AQR: variants seen among roughly 807,000 people sequenced by gnomAD.
AQR encodes aquarius intron-binding spliceosomal factor.
Under a neutral mutation model 180.5 loss-of-function variants are expected in AQR, and 61 were observed. That is an observed-to-expected ratio of 0.34 (90% CI 0.28 to 0.42). The LOEUF is 0.42. Among genes scored for constraint, AQR ranks in the 10% least tolerant of loss-of-function variants. The pLI is 1.00. For synonymous variants in AQR, 551 were observed against 588.8 expected (o/e 0.94, Z 0.93); for missense variants, 1,281 against 1,798.3 (o/e 0.71, Z 5.20).
intron 24 of AQR, among the ~76,000 whole-genome samples, chr15:34,888,135 T>TA (rs1396363276): frequency 1.3e-5 from 2 of 151,468 alleles, no homozygotes; most frequent in African/African-American, 4.9e-5. Context: ...CCGTCTCTAC[T>TA]AAAAATACAA....
intron 24 of AQR, among the ~76,000 whole-genome samples, chr15:34,888,909 A>G (rs1483148706): frequency 6.6e-6 from 1 of 152,208 alleles, no homozygotes; most frequent in African/African-American, 2.4e-5. Flanking sequence ...GAGAAAAAGA[A>G]TATGTCCAAT....
chr15:34,920,707 T>A (rs1026960137), intron 13 of AQR, among the ~76,000 whole-genome samples: 2 of 152,080 alleles, frequency 1.3e-5, no homozygotes, highest in African/African-American at 4.8e-5. Flanking sequence ...GCCTGTAATC[T>A]CAGCACTTTG....
At chr15:34,925,877 A>T (rs965387489) in intron 13 of AQR, among the ~76,000 whole-genome samples, 1 of 152,074 alleles carries the variant, frequency 6.6e-6, no homozygotes, top group African/African-American at 2.4e-5. Context: ...ATTAACTTTT[A>T]AAAAAATAAG....
chr15:34,965,428 T>A (rs2050305093), intron 1 of AQR, among the ~76,000 whole-genome samples: 1 of 152,120 alleles, frequency 6.6e-6, no homozygotes, highest in Non-Finnish European at 1.5e-5. Context: ...CTCAGAACTT[T>A]GGGAGGCCGA....
intron 26 of AQR, among the ~76,000 whole-genome samples, chr15:34,883,942 T>C (rs189612052): frequency 6.6e-6 from 1 of 152,292 alleles, no homozygotes; most frequent in East Asian, 1.9e-4. Context: ...TCAAGAGGCA[T>C]ACAGGACTTA....
chr15:34,903,220 G>A (rs1233188655), intron 19 of AQR, among the ~76,000 whole-genome samples: 4 of 152,104 alleles, frequency 2.6e-5, no homozygotes, highest in African/African-American at 9.7e-5. Flanking sequence ...GACATGGAGT[G>A]AATAGGAAAA....
chr15:34,962,846 A>C (rs1015267568), intron 2 of AQR, among the ~76,000 whole-genome samples: 2 of 152,224 alleles, frequency 1.3e-5, no homozygotes, highest in Middle Eastern at 3.2e-3. Context: ...AAATAAAGTA[A>C]GAAATTTTGG....
rs879462133 is a variant in AQR, at chr15:34,854,839, A to G, written c.*1953T>C. On this transcript the variant is annotated 3_prime_UTR_variant, in exon 35 of 35. Transcript: ENST00000156471. ...CAGCCAGCTTATTTTGGTTGCAGGT[A>G]TCATACCTCATATCCCCTAAGGGAG... 6.6e-6 allele frequency: 1 copy of G among 152,240 alleles called. No individual in the cohort carries two copies. The highest frequency in any genetic ancestry group is 1.5e-5 in the Non-Finnish European group (1 of 68,038). The allele number at this position is 152,240 out of a possible 1,614,324, so 9.4% of individuals were successfully genotyped here. A position where few individuals can be genotyped will look rare whatever the true frequency, so the allele number is the denominator to read the frequency against.
At chr15:34,857,443 T>C (rs1892603007) in intron 34 of AQR, among the ~76,000 whole-genome samples, 1 of 152,168 alleles carries the variant, frequency 6.6e-6, no homozygotes. Flanking sequence ...CAAGAAAGGG[T>C]CAACTTTAAT....
intron 32 of AQR, among the ~76,000 whole-genome samples, chr15:34,863,948 A>G (rs1183790029): frequency 6.8e-6 from 1 of 147,354 alleles, no homozygotes; most frequent in Non-Finnish European, 1.5e-5. Context: ...GTACTCTGCA[A>G]AAGAGAAGAC....
At chr15:34,955,894 GCGAAACTCCATCT>G (rs1894306633) in intron 3 of AQR, among the ~76,000 whole-genome samples, 1 of 145,240 alleles carries the variant, frequency 6.9e-6, no homozygotes, top group Non-Finnish European at 1.5e-5. Flanking sequence ...GGTGACAACA[GCGAAACTCCATCT>G]CAAAAAAAAA....
At chr15:34,909,268 T>A (rs4569214) in intron 17 of AQR, among the ~76,000 whole-genome samples, 113,661 of 151,570 alleles carry the variant, frequency 0.75, 43,595 homozygotes, top group Middle Eastern at 0.87. Flanking sequence ...AAAACAGGGC[T>A]TTAAGTAAGA....
rs1448848302 is a variant in AQR at position 34,854,300 on chromosome 15, G to C, written c.*2492C>G. 1 of 152,132 alleles carries C rather than the reference G, an allele frequency of 6.6e-6. No homozygotes were observed. Among genetic ancestry groups the C allele is most frequent in the African/African-American group, 2.4e-5 (1 of 41,446 alleles). 9.4% of individuals were successfully genotyped at this position (152,132 alleles called of 1,614,324 possible). On this transcript the variant is annotated 3_prime_UTR_variant, in exon 35 of 35. Transcript: ENST00000156471. ...ACATTTAGATATGAAAAATAGGATGGAGAGCAATGGGAACACTAATCTGAA... is the reference window on the plus strand; with the variant it reads ...ACATTTAGATATGAAAAATAGGATGCAGAGCAATGGGAACACTAATCTGAA...
chr15:34,915,550 A>G (rs1893569448), intron 15 of AQR, among the ~76,000 whole-genome samples: 2 of 152,252 alleles, frequency 1.3e-5, no homozygotes, highest in East Asian at 3.9e-4. Context: ...CCTCAAAACT[A>G]TAAGAATCTA....
chr15:34,923,235 T>C (rs527250979), intron 13 of AQR, among the ~76,000 whole-genome samples: 1 of 152,268 alleles, frequency 6.6e-6, no homozygotes, highest in African/African-American at 2.4e-5. Context: ...ACAGTATATA[T>C]AGGGTTCAGT....
At chr15:34,912,310 T>C (rs1893512954) in intron 16 of AQR, among the ~76,000 whole-genome samples, 1 of 151,976 alleles carries the variant, frequency 6.6e-6, no homozygotes, top group South Asian at 2.1e-4. Flanking sequence ...GAACTTCCCT[T>C]AGCATTTATT....
At chr15:34,907,969 A>G (rs1893444160) in intron 17 of AQR, among the ~76,000 whole-genome samples, 1 of 152,072 alleles carries the variant, frequency 6.6e-6, no homozygotes, top group South Asian at 2.1e-4. Context: ...CCTTGCAACC[A>G]TTTGTATCCA....
chr15:34,874,677 C>T lies in AQR; in HGVS notation c.3425G>A (p.Ser1142Asn). Residue 1142 changes from serine (S) to asparagine (N), a missense_variant and splice_region_variant, in exon 29 of 35, where the codon AGC (serine) becomes AAC (asparagine). Coordinates refer to ENST00000156471, the MANE Select transcript of AQR (RefSeq NM_014691.3). ...TGATTTTTTTTCCTGTCTCTTTTAC[C>T]TTGCTCTGGCTCTCCCTTGAGCATC... is the stretch of plus-strand genomic sequence containing the variant. ...DLDAQGRARA[S>N]LCNLYNWRYK... is the part of the protein sequence containing the mutation. The T allele has an allele frequency of 6.2e-7, 1 of 1,612,194 alleles. No individual in the cohort carries two copies.
intron 27 of AQR, 41 bp from the exon 28 acceptor site, chr15:34,876,047 T>G (rs1368678130): frequency 7.0e-7 from 1 of 1,421,484 alleles, no homozygotes; most frequent in Non-Finnish European, 9.9e-7. Context: ...AGCTTAAAAG[T>G]CAAACAACTA....
Sources: gnomAD v4.1 joint callset for allele counts (sites outside exome capture counted in the v4.1 genomes callset) on GRCh38, gnomAD v4.1.1 for gene constraint, MANE v1.5 for transcripts, NCBI Gene and HGNC (gene_info 2026-07-23, HGNC 2026-07-21) for gene names.